RPAP3: variants seen among roughly 807,000 people sequenced by gnomAD.
The protein encoded by RPAP3 is RNA polymerase II associated protein 3.
A neutral mutation model predicts 88.8 loss-of-function variants in RPAP3; 58 were observed. The ratio of observed to expected loss-of-function variants is 0.65; its 90% CI spans 0.53 to 0.81. RPAP3 has a LOEUF of 0.81. Among genes scored for constraint, RPAP3 ranks in the 40% least tolerant of loss-of-function variants. The probability of loss-of-function intolerance (pLI) is 0.00; values close to 1 mark genes in which losing one functional copy is unlikely to be tolerated. For synonymous variants in RPAP3, 255 were observed against 259.9 expected (o/e 0.98, Z 0.18); for missense variants, 751 against 764.3 (o/e 0.98, Z 0.20).
At chr12:47,668,739 G>C (rs2136607239) in intron 14 of RPAP3, among the ~76,000 whole-genome samples, 177 bp downstream of exon 14, 1 of 152,266 alleles carries the variant, frequency 6.6e-6, no homozygotes, top group South Asian at 2.1e-4. Context: ...TGCCAAAGGA[G>C]AACATCAAGG....
Position 47,687,895 on chromosome 12 carries a change from G to T in RPAP3, c.845C>A (p.Ala282Asp), listed in dbSNP as rs1322240236. 6.2e-7 allele frequency: 1 copy of T among 1,612,658 alleles called. No homozygotes were observed. Among genetic ancestry groups the T allele is most frequent in the African/African-American group, 1.3e-5 (1 of 74,838 alleles). ...GATTACCCGATCTTTCTCTGAAATGGCCTGCTGCTTATTCTGTTGTGCTTC... is the reference window on the plus strand; with the variant it reads ...GATTACCCGATCTTTCTCTGAAATGTCCTGCTGCTTATTCTGTTGTGCTTC... The part of the protein sequence containing the change: ...QIEAQQNKQQ[A>D]ISEKDRGNGF... Residue 282 changes from alanine to aspartate, a missense_variant, in exon 8 of 17, where the codon GCC becomes GAC. Transcript: ENST00000005386.
At chr12:47,698,019 A>C (rs1204401166) in intron 3 of RPAP3, among the ~76,000 whole-genome samples, 1 of 152,192 alleles carries the variant, frequency 6.6e-6, no homozygotes. Context: ...TTATGGCTTA[A>C]AGGAAGTTTG....
intron 3 of RPAP3, among the ~76,000 whole-genome samples, chr12:47,698,328 T>C (rs1019499808): frequency 1.3e-5 from 2 of 152,052 alleles, no homozygotes; most frequent in African/African-American, 4.8e-5. Flanking sequence ...TATGTTATAC[T>C]GTCTCTCGGT....
chr12:47,692,510 C>T (rs1388477475), intron 5 of RPAP3, among the ~76,000 whole-genome samples: 2 of 152,220 alleles, frequency 1.3e-5, no homozygotes, highest in African/African-American at 4.8e-5. Flanking sequence ...GCAGCTTTCT[C>T]ACCTCTCTCA....
intron 12 of RPAP3, among the ~76,000 whole-genome samples, chr12:47,676,608 A>T (rs1307517922): frequency 6.6e-6 from 1 of 152,226 alleles, no homozygotes; most frequent in Non-Finnish European, 1.5e-5. Flanking sequence ...GTCAGAGAAT[A>T]CTACAAACAC....
At chr12:47,668,237 G>A (rs1256313340) in intron 14 of RPAP3, among the ~76,000 whole-genome samples, 1 of 152,086 alleles carries the variant, frequency 6.6e-6, no homozygotes, top group South Asian at 2.1e-4. Context: ...TAGCACTTAT[G>A]AATAATAATG....
intron 16 of RPAP3, 82 bp from the exon 17 acceptor site, chr12:47,663,672 T>C (rs1938805791): frequency 2.6e-6 from 2 of 779,590 alleles, no homozygotes; most frequent in Non-Finnish European, 4.1e-6. Context: ...AGCAATCTAT[T>C]TGTCAAAAAC....
At chr12:47,675,511 A>C (rs1939094206) in intron 12 of RPAP3, among the ~76,000 whole-genome samples, 1 of 152,264 alleles carries the variant, frequency 6.6e-6, no homozygotes, top group East Asian at 1.9e-4. Context: ...TCTCACGTGC[A>C]AAGACGCACA....
At chr12:47,688,061 G>C (rs1339788682) in intron 7 of RPAP3, 60 bp from the exon 8 acceptor site, 1 of 1,422,736 alleles carries the variant, frequency 7.0e-7, no homozygotes, top group African/African-American at 1.5e-5. Context: ...ATATATATTT[G>C]ACCTTAAAAC....
chr12:47,680,543 C>T (rs1213805872), intron 10 of RPAP3, among the ~76,000 whole-genome samples: 1 of 151,562 alleles, frequency 6.6e-6, no homozygotes, highest in African/African-American at 2.4e-5. Context: ...ATGCACATAC[C>T]AGGAAAGAAC....
At position 47,667,795 on chromosome 12, in the gene RPAP3, T is replaced by C; in HGVS notation, c.1770A>G (p.Val590=). 2.5e-6 allele frequency: 4 copies of C among 1,608,666 alleles called. No homozygotes were observed. The highest frequency in any genetic ancestry group is 1.1e-5 in the South Asian group (1 of 90,018). ...GCAGAATTTTAACGATCTGGTTGAA[T>C]ACATCTGGATCCAGATTTTTCTGAA... ...KLFQKNLDPD[V]FNQIVKILHD... Residue 590 remains valine (V), a synonymous_variant, in exon 15 of 17, where the codon GTA becomes GTG. Coordinates refer to ENST00000005386, the MANE Select transcript of RPAP3 (RefSeq NM_024604.3).
At chr12:47,697,950 AG>A (rs1214436928) in intron 3 of RPAP3, among the ~76,000 whole-genome samples, 1 of 152,200 alleles carries the variant, frequency 6.6e-6, no homozygotes, top group African/African-American at 2.4e-5. Context: ...GAACTCATAA[AG>A]CTAAGTCAAC....
At chr12:47,664,570 G>A (rs1938829043) in intron 16 of RPAP3, 1 of 152,144 alleles carries the variant, frequency 6.6e-6, no homozygotes, top group Non-Finnish European at 1.5e-5. Flanking sequence ...TATAACAACA[G>A]CTAAGTATTT....
chr12:47,682,657 T>A (rs1052253640), intron 9 of RPAP3, among the ~76,000 whole-genome samples: 3 of 151,722 alleles, frequency 2.0e-5, no homozygotes, highest in Admixed American at 1.3e-4. Context: ...TTTGTATAAG[T>A]TTGAAAAGTT....
Position 47,698,729 on chromosome 12 carries a change from G to A in RPAP3, c.295-1010C>T, listed in dbSNP as rs377320796. On this transcript the variant is annotated intron_variant, in intron 3 of 16. Transcript: ENST00000005386. ...GGCTTTTGCCATGTTGCCCAGGCTGGTCTGGATCCTAAGCCCAAGCAATCT... is the reference window on the plus strand; with the variant it reads ...GGCTTTTGCCATGTTGCCCAGGCTGATCTGGATCCTAAGCCCAAGCAATCT... 9.7e-4 allele frequency among the ~76,000 whole-genome samples: 147 copies of A among 152,114 alleles called. 4 individuals carry two copies. The South Asian group carries it at 0.029, about 30-fold the overall frequency.
At position 47,690,545 on chromosome 12, in the gene RPAP3, A is replaced by G; in HGVS notation, c.640T>C (p.Leu214=). ...YSRRGAARFA[L]QKLEEAKKDY... ...TTTTTGGCCTCTTCTAATTTTTGCA[A>G]AGCAAATCGAGCAGCACCTCGTCTG... The change falls in exon 6 of 17, where the codon TTG becomes CTG. Residue 214 remains leucine (L), a synonymous_variant. Transcript: ENST00000005386. 1 of 1,602,934 alleles carries G rather than the reference A, an allele frequency of 6.2e-7. No individual in the cohort carries two copies. The highest frequency in any genetic ancestry group is 8.5e-7 in the Non-Finnish European group (1 of 1,174,738).
At chr12:47,705,787 C>A (rs1390606206) in intron 1 of RPAP3, among the ~76,000 whole-genome samples, 165 bp downstream of exon 1, 1 of 152,190 alleles carries the variant, frequency 6.6e-6, no homozygotes, top group African/African-American at 2.4e-5. Context: ...CGACCCGAGA[C>A]GCCGCTGCCC....
At chr12:47,667,466 T>C (rs149795128) in intron 15 of RPAP3, among the ~76,000 whole-genome samples, 26 of 152,300 alleles carry the variant, frequency 1.7e-4, no homozygotes, top group African/African-American at 6.0e-4. Context: ...TGCTGCTAAT[T>C]TGCTATATAC....
Position 47,690,606 on chromosome 12 carries a change from T to C in RPAP3, c.579A>G (p.Ala193=), listed in dbSNP as rs184159098. 1.9e-6 allele frequency: 3 copies of C among 1,573,820 alleles called. No homozygotes were observed. The highest frequency in any genetic ancestry group is 4.6e-5 in the East Asian group (2 of 43,798). The change falls in exon 6 of 17, where the codon GCA becomes GCG. Residue 193 remains alanine, a synonymous_variant. Coordinates refer to ENST00000005386, the MANE Select transcript of RPAP3 (RefSeq NM_024604.3). ...TTGTATAACTTCTATTCAAGGCAAC[T>C]GCTAAATTACAATCAGACTCAGCAA... ...FAVAESDCNL[A]VALNRSYTKA...
Sources: gnomAD v4.1 joint callset for allele counts (sites outside exome capture counted in the v4.1 genomes callset) on GRCh38, gnomAD v4.1.1 for gene constraint, MANE v1.5 for transcripts, NCBI Gene and HGNC (gene_info 2026-07-23, HGNC 2026-07-21) for gene names.